Variants in GNB5 observed in about 807,000 individuals in gnomAD.
GNB5 encodes the protein guanine nucleotide-binding protein subunit beta-5.
Under a neutral mutation model 55.3 loss-of-function variants are expected in GNB5, and 37 were observed. That is an observed-to-expected ratio of 0.67 (90% confidence interval 0.51 to 0.88). GNB5 has a LOEUF of 0.88. Ranked by LOEUF, GNB5 falls within the 40% of genes least tolerant of loss-of-function variation. GNB5 has a pLI of 0.00. For synonymous variants in GNB5, 219 were observed against 198.5 expected (o/e 1.10, Z -0.87); for missense variants, 476 against 515.3 (o/e 0.92, Z 0.74).
In GNB5 at chr15:52,163,559, G is replaced by C. The variant is rs563480207; in HGVS notation, c.239-9483C>G. ...GCCATCCTGGCCTGCCAGCTCCTGG[G>C]AGTCAGGGTGGTCCAAACTGGGAGG... On this transcript the variant is annotated intron_variant, in intron 3 of 12. Transcript: ENST00000261837. 1.9e-4 allele frequency among the ~76,000 whole-genome samples: 29 copies of C among 152,356 alleles called. 1 individual carries two copies. In the East Asian group the frequency reaches 5.6e-3, roughly 29 times the overall value.
At chr15:52,181,738 G>A (rs760781875) in intron 2 of GNB5, among the ~76,000 whole-genome samples, 4 of 152,120 alleles carry the variant, frequency 2.6e-5, no homozygotes, top group Admixed American at 6.5e-5. Flanking sequence ...GTTCCCATCC[G>A]TATAATAATA....
chr15:52,187,943 C>A (rs1465012626), intron 1 of GNB5, among the ~76,000 whole-genome samples: 2 of 149,854 alleles, frequency 1.3e-5, no homozygotes, highest in African/African-American at 4.9e-5. Context: ...AGTGAGACTC[C>A]ATCTCAAAGA....
rs915471901 is a variant in GNB5, at chr15:52,122,499, C to A, written c.*258G>T. On this transcript the variant is annotated 3_prime_UTR_variant, in exon 13 of 13. Transcript: ENST00000261837. ...CTATAATTTAGAATAACCTTAAAAA[C>A]AGATACATTTTAAAAAGTGTTCCAA... 2 of 466,232 alleles carry A rather than the reference C, an allele frequency of 4.3e-6. No homozygotes were observed. The highest frequency in any genetic ancestry group is 2.0e-5 in the African/African-American group (1 of 50,750). 28.9% of individuals were successfully genotyped at this position (466,232 alleles called of 1,614,324 possible).
chr15:52,135,747 C>T lies in GNB5; in HGVS notation c.637G>A (p.Ala213Thr), dbSNP rs1394026039. 2 of 1,612,254 alleles carry T rather than the reference C, an allele frequency of 1.2e-6. No homozygotes were observed. The highest frequency in any genetic ancestry group is 1.1e-5 in the South Asian group (1 of 90,988). ...FTNSDMQILT[A>T]SGDGTCALWD... is the part of the protein sequence containing the mutation. ...AGGGCACATGTGCCATCGCCGCTCGCTGTCAGGATCTGCCCGCAGAAAAGG... is the reference window on the plus strand; with the variant it reads ...AGGGCACATGTGCCATCGCCGCTCGTTGTCAGGATCTGCCCGCAGAAAAGG... The change falls in exon 8 of 13, where the codon GCG (alanine) becomes ACG (threonine). Residue 213 changes from alanine (A) to threonine (T), a missense_variant. Ala to Thr is a moderately conservative substitution (Grantham distance 58). Coordinates refer to ENST00000261837, the MANE Select transcript of GNB5 (RefSeq NM_016194.4).
intron 4 of GNB5, among the ~76,000 whole-genome samples, chr15:52,153,435 G>A (rs1402526818): frequency 6.6e-6 from 1 of 152,170 alleles, no homozygotes; most frequent in Non-Finnish European, 1.5e-5. Context: ...AACCATGCGA[G>A]ATAATTAAGC....
intron 6 of GNB5, chr15:52,147,202 C>G: frequency 1.1e-5 from 3 of 264,504 alleles, no homozygotes; most frequent in Non-Finnish European, 2.1e-5. Context: ...TGGGGTCTTG[C>G]TATGTTGCCA....
intron 4 of GNB5, 113 bp from the exon 5 acceptor site, chr15:52,150,038 T>G (rs576471205): frequency 1.3e-6 from 1 of 789,750 alleles, no homozygotes; most frequent in African/African-American, 1.7e-5. Context: ...AAAGCCAGAA[T>G]GAGGATCTGG....
chr15:52,146,736 A>ATT (rs60737688), intron 6 of GNB5, among the ~76,000 whole-genome samples: 13 of 110,908 alleles, frequency 1.2e-4, no homozygotes, highest in South Asian at 3.2e-4. Flanking sequence ...AGCTAATTAG[A>ATT]TTTTTTTTTT....
intron 4 of GNB5, among the ~76,000 whole-genome samples, chr15:52,152,092 G>T (rs1365229842): frequency 1.3e-5 from 2 of 151,198 alleles, no homozygotes; most frequent in African/African-American, 4.9e-5. Context: ...TAAAAAAAAA[G>T]CAAGTGCAAT....
At chr15:52,161,626 A>G (rs890588420) in intron 3 of GNB5, among the ~76,000 whole-genome samples, 1 of 152,220 alleles carries the variant, frequency 6.6e-6, no homozygotes, top group East Asian at 1.9e-4. Context: ...AGCCAGATCA[A>G]TGGGTCACAG....
chr15:52,144,838 G>A (rs559891926), intron 6 of GNB5, among the ~76,000 whole-genome samples: 30 of 152,240 alleles, frequency 2.0e-4, no homozygotes, highest in Non-Finnish European at 3.7e-4. Context: ...ACCATACACC[G>A]TGGCCAAGAG....
At chr15:52,140,789 G>A (rs1382142193) in intron 7 of GNB5, among the ~76,000 whole-genome samples, 1 of 152,158 alleles carries the variant, frequency 6.6e-6, no homozygotes, top group Non-Finnish European at 1.5e-5. Context: ...CAGCTCTGAA[G>A]CCCGACAGCT....
At chr15:52,170,536 C>A (rs1240920589) in intron 3 of GNB5, among the ~76,000 whole-genome samples, 1 of 152,060 alleles carries the variant, frequency 6.6e-6, no homozygotes, top group Non-Finnish European at 1.5e-5. Flanking sequence ...GAACAACACA[C>A]ACTGGGGCCT....
At chr15:52,187,420 TGGA>T (rs925562980) in intron 1 of GNB5, among the ~76,000 whole-genome samples, 1 of 151,936 alleles carries the variant, frequency 6.6e-6, no homozygotes. Context: ...TGCTATGTTC[TGGA>T]GAAGAGGAAA....
intron 6 of GNB5, 85 bp downstream of exon 6, chr15:52,147,374 G>A (rs1596075221): frequency 1.2e-6 from 1 of 815,968 alleles, no homozygotes; most frequent in Middle Eastern, 2.3e-4. Flanking sequence ...CAAAAACTGT[G>A]AGTTCTTGTT....
At chr15:52,172,598 G>A (rs995883793) in intron 3 of GNB5, among the ~76,000 whole-genome samples, 6 of 151,998 alleles carry the variant, frequency 3.9e-5, no homozygotes, top group African/African-American at 1.5e-4. Context: ...TGGGCGACAT[G>A]GAGAAACCTC....
chr15:52,189,128 A>G (rs1225458057), intron 1 of GNB5, among the ~76,000 whole-genome samples: 1 of 152,238 alleles, frequency 6.6e-6, no homozygotes, highest in African/African-American at 2.4e-5. Context: ...TAACTCAATT[A>G]AAAATGGACA....
intron 10 of GNB5, 98 bp downstream of exon 10, chr15:52,128,098 T>G: frequency 1.3e-6 from 1 of 772,944 alleles, no homozygotes; most frequent in Non-Finnish European, 2.2e-6. Flanking sequence ...TATTGAATAC[T>G]CGTTACTTCT....
chr15:52,117,102 A>ATATATATATATATATATATATTTTTTTTT lies in GNB5; in HGVS notation c.*5654_*5655insAAAAAAAAATATATATATATATATATATA. Reference sequence around the variant, plus strand: ...CCACGCCCAGCTAATATATATATATATTTTTTTTTAGTACAGACAGGGTTT... The same window carrying ATATATATATATATATATATATTTTTTTTT: ...CCACGCCCAGCTAATATATATATATATATATATATATATATATATATTTTTTTTTTTTTTTTTTAGTACAGACAGGGTTT... On this transcript the variant is annotated 3_prime_UTR_variant, in exon 13 of 13. Transcript: ENST00000261837. 69 of 87,052 alleles carry ATATATATATATATATATATATTTTTTTTT rather than the reference A, an allele frequency of 7.9e-4. 5 individuals carry two copies. The South Asian group carries it at 0.019, about 24-fold the overall frequency. The allele number at this position is 87,052 out of a possible 1,614,324, so 5.4% of individuals were successfully genotyped here.
Sources: gnomAD v4.1 joint callset for allele counts (sites outside exome capture counted in the v4.1 genomes callset) on GRCh38, gnomAD v4.1.1 for gene constraint, MANE v1.5 for transcripts, NCBI Gene and HGNC (gene_info 2026-07-23, HGNC 2026-07-21) for gene names.